The following EPHA6 variants were observed in gnomAD, a reference collection of about 807,000 sequenced individuals.
The protein encoded by EPHA6 is EPH receptor A6.
EPHA6 carries 50 observed loss-of-function variants against 112.0 expected under a neutral mutation model. The ratio of observed to expected loss-of-function variants is 0.45; its 90% CI spans 0.36 to 0.56. EPHA6 has a LOEUF of 0.56. EPHA6 is among the 20% of genes least tolerant of loss of function. The pLI, the probability that EPHA6 is intolerant of heterozygous loss-of-function variation, is 0.00. For synonymous variants in EPHA6, 529 were observed against 490.7 expected (o/e 1.08, Z -1.03); for missense variants, 1,280 against 1,417.4 (o/e 0.90, Z 1.56).
intron 1 of EPHA6, among the ~76,000 whole-genome samples, chr3:96,860,490 C>T (rs1054816739): frequency 6.6e-6 from 1 of 151,970 alleles, no homozygotes; most frequent in African/African-American, 2.4e-5. Flanking sequence ...TCTCTTTTAT[C>T]AGGACCATTA....
intron 5 of EPHA6, among the ~76,000 whole-genome samples, chr3:97,316,624 T>A (rs140948066): frequency 6.6e-6 from 1 of 152,080 alleles, no homozygotes; most frequent in East Asian, 1.9e-4. Context: ...CAAATTTATG[T>A]CATTTATTTT....
At chr3:97,514,043 A>G (rs2092408035) in intron 10 of EPHA6, among the ~76,000 whole-genome samples, 1 of 152,176 alleles carries the variant, frequency 6.6e-6, no homozygotes, top group Non-Finnish European at 1.5e-5. Flanking sequence ...CTGCACCAAG[A>G]CCTATGCCAT....
intron 13 of EPHA6, among the ~76,000 whole-genome samples, chr3:97,636,767 A>G (rs2093948731): frequency 6.6e-6 from 1 of 152,104 alleles, no homozygotes; most frequent in Non-Finnish European, 1.5e-5. Flanking sequence ...TAACTTTTAA[A>G]ATTTATAAGT....
intron 2 of EPHA6, among the ~76,000 whole-genome samples, chr3:96,936,994 TAATC>T (rs892026714): frequency 4.6e-5 from 7 of 152,240 alleles, no homozygotes; most frequent in African/African-American, 1.7e-4. Context: ...CACATTTTCT[TAATC>T]AAGTCTATCC....
At chr3:97,748,012 A>G (rs2035787422) in intron 17 of EPHA6, among the ~76,000 whole-genome samples, 2 of 152,104 alleles carry the variant, frequency 1.3e-5, no homozygotes, top group Non-Finnish European at 2.9e-5. Flanking sequence ...TTTTGCCTAC[A>G]TGCAATGAAA....
At chr3:97,674,668 G>A (rs529107634) in intron 14 of EPHA6, among the ~76,000 whole-genome samples, 1 of 152,244 alleles carries the variant, frequency 6.6e-6, no homozygotes, top group Admixed American at 6.5e-5. Context: ...ACCACTTTAG[G>A]AAACGGTTAT....
intron 11 of EPHA6, among the ~76,000 whole-genome samples, chr3:97,539,586 A>G (rs553859232): frequency 6.6e-6 from 1 of 152,166 alleles, no homozygotes. Flanking sequence ...GATTGCATTC[A>G]TGATGAATGA....
At chr3:96,854,638 A>T (rs115109745) in intron 1 of EPHA6, among the ~76,000 whole-genome samples, 2,766 of 152,244 alleles carry the variant, frequency 0.018, 74 homozygotes, top group African/African-American at 0.05. Flanking sequence ...AGAAATATAC[A>T]TTCATAGCAA....
intron 5 of EPHA6, among the ~76,000 whole-genome samples, chr3:97,346,074 G>T (rs144019721): frequency 6.6e-6 from 1 of 151,996 alleles, no homozygotes; most frequent in Non-Finnish European, 1.5e-5. Context: ...AACCAGCAAG[G>T]TTTCTGATAT....
intron 4 of EPHA6, among the ~76,000 whole-genome samples, chr3:97,243,066 AG>A (rs2078893688): frequency 6.6e-6 from 1 of 151,932 alleles, no homozygotes; most frequent in East Asian, 1.9e-4. Context: ...CACAATTTTA[AG>A]GAAAGGCTGG....
intron 2 of EPHA6, among the ~76,000 whole-genome samples, chr3:96,940,600 T>C (rs2040882863): frequency 6.6e-6 from 1 of 152,190 alleles, no homozygotes; most frequent in African/African-American, 2.4e-5. Flanking sequence ...CCATTTACAT[T>C]TAAGGTTAAT....
chr3:97,013,898 T>A (rs1215299560), intron 3 of EPHA6, among the ~76,000 whole-genome samples: 2 of 152,148 alleles, frequency 1.3e-5, no homozygotes, highest in Non-Finnish European at 2.9e-5. Context: ...TCTTCAGTAA[T>A]GCCTCCTGCA....
intron 13 of EPHA6, among the ~76,000 whole-genome samples, chr3:97,624,328 T>C (rs530291097): frequency 6.6e-6 from 1 of 151,442 alleles, no homozygotes; most frequent in Non-Finnish European, 1.5e-5. Context: ...ATTCAGTTAA[T>C]GTGGTGTGTT....
At chr3:96,816,643 C>T (rs1413986650) in intron 1 of EPHA6, among the ~76,000 whole-genome samples, 1 of 151,918 alleles carries the variant, frequency 6.6e-6, no homozygotes, top group Non-Finnish European at 1.5e-5. Context: ...ACAGTTGTTC[C>T]CATGCAATAA....
At chr3:97,512,874 T>C (rs1166399085) in intron 10 of EPHA6, among the ~76,000 whole-genome samples, 2 of 152,174 alleles carry the variant, frequency 1.3e-5, no homozygotes, top group Non-Finnish European at 2.9e-5. Flanking sequence ...CCAATACTGA[T>C]TGTTTTTATT....
intron 10 of EPHA6, among the ~76,000 whole-genome samples, chr3:97,516,054 C>T (rs1187737793): frequency 6.6e-6 from 1 of 152,008 alleles, no homozygotes; most frequent in East Asian, 1.9e-4. Flanking sequence ...AACATGTTCT[C>T]TATGGTATCG....
At chr3:96,995,481 A>C (rs60056103) in intron 3 of EPHA6, among the ~76,000 whole-genome samples, 14,838 of 152,182 alleles carry the variant, frequency 0.098, 944 homozygotes, top group South Asian at 0.18. Flanking sequence ...TATCTTGAAA[A>C]GAATGTGAAA....
rs1395291617 is a variant in EPHA6, at chr3:97,243,900, A to G, written c.1271-52A>G. Reference sequence around the variant, plus strand: ...TTGATGAAGTTTTCATTTTAGCGCCATAATTCATTGTCCTATATATGTACA... The same window carrying G: ...TTGATGAAGTTTTCATTTTAGCGCCGTAATTCATTGTCCTATATATGTACA... On this transcript the variant is annotated intron_variant, in intron 4 of 17. Coordinates refer to ENST00000389672, the MANE Select transcript of EPHA6 (RefSeq NM_001080448.3). 1.1e-5 allele frequency: 15 copies of G among 1,346,656 alleles called. No homozygotes were observed. The African/African-American group carries it at 1.9e-4, about 17-fold the overall frequency. The allele number at this position is 1,346,656 out of a possible 1,614,324, so 83.4% of individuals were successfully genotyped here. A position where few individuals can be genotyped will look rare whatever the true frequency, so the allele number is the denominator to read the frequency against.
At chr3:96,841,465 G>A (rs1272784401) in intron 1 of EPHA6, among the ~76,000 whole-genome samples, 1 of 151,984 alleles carries the variant, frequency 6.6e-6, no homozygotes, top group Non-Finnish European at 1.5e-5. Flanking sequence ...AAATTTTCTA[G>A]CCGGCTTTGT....
Sources: allele counts gnomAD v4.1 joint callset (sites outside exome capture counted in the v4.1 genomes callset), GRCh38; gene constraint gnomAD v4.1.1; transcripts MANE v1.5; gene names NCBI Gene and HGNC (gene_info 2026-07-23, HGNC 2026-07-21).